The following DOCK1 variants were observed in gnomAD, a reference collection of about 807,000 sequenced individuals.
The protein encoded by DOCK1 is dedicator of cytokinesis protein 1.
A neutral mutation model predicts 262.7 loss-of-function variants in DOCK1; 138 were observed. The observed-to-expected ratio is 0.53, with a 90% CI of 0.46 to 0.61. DOCK1 has a LOEUF of 0.61. Ranked by LOEUF, DOCK1 falls within the 20% of genes least tolerant of loss-of-function variation. The probability of loss-of-function intolerance (pLI) is 0.00; values close to 1 mark genes in which losing one functional copy is unlikely to be tolerated. For missense variants in DOCK1, 1,908 were observed against 2,370.7 expected, an observed-to-expected ratio of 0.80 and a Z score of 4.05; for synonymous variants, 866 against 867.4, an observed-to-expected ratio of 1.00 and a Z score of 0.03.
intron 29 of DOCK1, among the ~76,000 whole-genome samples, chr10:127,319,554 A>G (rs2062429389): frequency 6.6e-6 from 1 of 152,254 alleles, no homozygotes; most frequent in South Asian, 2.1e-4. Flanking sequence ...AGCAAAGTCA[A>G]TGCACACCAT....
chr10:127,287,266 G>A (rs1004955774), intron 29 of DOCK1, among the ~76,000 whole-genome samples: 1 of 150,540 alleles, frequency 6.6e-6, no homozygotes, highest in African/African-American at 2.4e-5. Context: ...GCAGTGATGT[G>A]ATCATAGCTC....
At chr10:127,335,531 T>A (rs779994940) in intron 29 of DOCK1, among the ~76,000 whole-genome samples, 6 of 151,352 alleles carry the variant, frequency 4.0e-5, no homozygotes, top group Non-Finnish European at 7.4e-5. Flanking sequence ...AAATAACTTA[T>A]GAATTACAGT....
rs762500269 is a variant in DOCK1 at position 127,374,088 on chromosome 10, C to T, written c.3549C>T (p.Tyr1183=). The change falls in exon 35 of 52, where the codon TAC becomes TAT. Residue 1183 remains tyrosine, a synonymous_variant. Coordinates refer to ENST00000623213, the MANE Select transcript of DOCK1 (RefSeq NM_001290223.2). ...TGGAACACTGCAGGAAGCACAAATA[C>T]CTCGCCAAAACAGGAGAAACTTTTG... The part of the protein sequence containing the change: ...ILLEHCRKHK[Y]LAKTGETFVK... The T allele has an allele frequency of 6.2e-7, 1 of 1,612,976 alleles. No homozygotes were observed. Among genetic ancestry groups the T allele is most frequent in the Non-Finnish European group, 8.5e-7 (1 of 1,179,430 alleles).
intron 25 of DOCK1, among the ~76,000 whole-genome samples, chr10:127,118,866 C>T (rs1315621897): frequency 6.6e-6 from 1 of 152,182 alleles, no homozygotes; most frequent in Non-Finnish European, 1.5e-5. Flanking sequence ...AGTGACCTAC[C>T]AAGGGTAACT....
chr10:127,210,621 G>C (rs1305681950), intron 27 of DOCK1, among the ~76,000 whole-genome samples: 1 of 152,176 alleles, frequency 6.6e-6, no homozygotes, highest in East Asian at 1.9e-4. Context: ...CTGAGCCACT[G>C]CCTGTTCCCT....
chr10:127,165,737 T>G (rs2133753992), intron 27 of DOCK1, among the ~76,000 whole-genome samples: 1 of 152,214 alleles, frequency 6.6e-6, no homozygotes, highest in South Asian at 2.1e-4. Flanking sequence ...CCCAGGCAGG[T>G]TCCTCAAGGA....
intron 26 of DOCK1, among the ~76,000 whole-genome samples, chr10:127,127,116 A>G (rs1446028237): frequency 6.6e-6 from 1 of 152,228 alleles, no homozygotes; most frequent in South Asian, 2.1e-4. Flanking sequence ...GGAAGGGCCT[A>G]GAGCATGTGT....
intron 25 of DOCK1, among the ~76,000 whole-genome samples, chr10:127,113,556 G>T (rs1056972001): frequency 6.6e-6 from 1 of 152,182 alleles, no homozygotes; most frequent in Admixed American, 6.5e-5. Flanking sequence ...AAAGCCTTTC[G>T]TTGCCAGGTC....
At chr10:127,157,083 C>T (rs2053156805) in intron 27 of DOCK1, among the ~76,000 whole-genome samples, 1 of 152,178 alleles carries the variant, frequency 6.6e-6, no homozygotes, top group African/African-American at 2.4e-5. Context: ...AGAAGGGCAA[C>T]ATAAATGCAT....
At chr10:127,354,791 C>T (rs2064058727) in intron 32 of DOCK1, 64 bp downstream of exon 32, 11 of 1,594,656 alleles carry the variant, frequency 6.9e-6, no homozygotes, top group Non-Finnish European at 8.6e-6. Flanking sequence ...ATGGCACTGG[C>T]CGTGTTCATC....
At chr10:127,032,019 T>G (rs1401156806) in intron 17 of DOCK1, 118 bp from the exon 18 acceptor site, 10 of 1,287,166 alleles carry the variant, frequency 7.8e-6, no homozygotes, top group Non-Finnish European at 6.5e-6. Flanking sequence ...AAATGTGTAT[T>G]TAATATGATA....
chr10:127,366,265 T>G (rs2064903325), intron 33 of DOCK1, among the ~76,000 whole-genome samples: 1 of 152,082 alleles, frequency 6.6e-6, no homozygotes, highest in Non-Finnish European at 1.5e-5. Flanking sequence ...AAATCCCTCT[T>G]GTATGTTAAT....
At chr10:127,199,371 A>C (rs1332321324) in intron 27 of DOCK1, among the ~76,000 whole-genome samples, 3 of 152,180 alleles carry the variant, frequency 2.0e-5, no homozygotes, top group African/African-American at 7.2e-5. Flanking sequence ...TTAAAAAGTC[A>C]AGAATATACA....
chr10:127,155,938 CTA>C (rs1448283646), intron 27 of DOCK1, among the ~76,000 whole-genome samples: 2 of 152,148 alleles, frequency 1.3e-5, no homozygotes, highest in Non-Finnish European at 2.9e-5. Context: ...TACTGCTCTA[CTA>C]TTGTGTTGTG....
At chr10:127,262,358 A>G (rs1035348181) in intron 29 of DOCK1, among the ~76,000 whole-genome samples, 1 of 152,150 alleles carries the variant, frequency 6.6e-6, no homozygotes, top group African/African-American at 2.4e-5. Context: ...CAGAAGCTCA[A>G]ACAAACCCAT....
chr10:127,408,010 C>G (rs1042733421), intron 40 of DOCK1, among the ~76,000 whole-genome samples: 1 of 152,092 alleles, frequency 6.6e-6, no homozygotes, highest in Non-Finnish European at 1.5e-5. Flanking sequence ...TGGCCCCTTT[C>G]TGTGACCGAG....
At chr10:127,301,339 CT>C (rs1197063791) in intron 29 of DOCK1, among the ~76,000 whole-genome samples, 1 of 152,170 alleles carries the variant, frequency 6.6e-6, no homozygotes, top group Non-Finnish European at 1.5e-5. Flanking sequence ...AGGCTGCTTC[CT>C]TTGTTTGAGC....
chr10:127,137,680 T>A (rs2050816877), intron 27 of DOCK1: 1 of 582,264 alleles, frequency 1.7e-6, no homozygotes, highest in Middle Eastern at 4.8e-4. Flanking sequence ...CTGTTAATTA[T>A]CTATTGGTAC....
rs1227259175 is a variant in DOCK1 at position 126,963,627 on chromosome 10, TCCCTTC to T, written c.47-7072_47-7067del. On this transcript the variant is annotated intron_variant, in intron 1 of 51. Transcript: ENST00000623213. ...TCCCTTCCCTTCCCTTCCCTTCCCTTCCCTTCCCTTCCCTCCTTCCTTCCTTCCTTC... is the reference window on the plus strand; with the variant it reads ...TCCCTTCCCTTCCCTTCCCTTCCCTTCCTTCCCTCCTTCCTTCCTTCCTTC... 4.5e-4 allele frequency among the ~76,000 whole-genome samples: 19 copies of T among 42,128 alleles called. 1 individual carries two copies. Among genetic ancestry groups the T allele is most frequent in the African/African-American group, 1.8e-3 (18 of 10,044 alleles). 27.6% of individuals were successfully genotyped at this position (42,128 alleles called of 152,430 possible). A position where few individuals can be genotyped will look rare whatever the true frequency, so the allele number is the denominator to read the frequency against.
Sources: gnomAD v4.1 joint callset for allele counts (sites outside exome capture counted in the v4.1 genomes callset) on GRCh38, gnomAD v4.1.1 for gene constraint, MANE v1.5 for transcripts, NCBI Gene and HGNC (gene_info 2026-07-23, HGNC 2026-07-21) for gene names.